LIG1: variants seen among roughly 807,000 people sequenced by gnomAD.
The protein encoded by LIG1 is ligase I, DNA, ATP-dependent.
Under a neutral mutation model 115.7 loss-of-function variants are expected in LIG1, and 70 were observed. That is an observed-to-expected ratio of 0.60 (90% CI 0.50 to 0.74). LIG1 has a LOEUF of 0.74. Among genes scored for constraint, LIG1 ranks in the 30% least tolerant of loss-of-function variants. The probability of loss-of-function intolerance (pLI) is 0.00; values close to 1 mark genes in which losing one functional copy is unlikely to be tolerated. For missense variants in LIG1, 1,115 were observed against 1,225.6 expected, an observed-to-expected ratio of 0.91 and a Z score of 1.35; for synonymous variants, 487 against 495.3, an observed-to-expected ratio of 0.98 and a Z score of 0.22.
chr19:48,140,583 A>C (rs2034677990), intron 11 of LIG1, among the ~76,000 whole-genome samples: 1 of 152,178 alleles, frequency 6.6e-6, no homozygotes. Context: ...TTAGAAATTT[A>C]GGTTTAGGGG....
chr19:48,154,713 G>A (rs2035725489), intron 5 of LIG1: 1 of 153,498 alleles, frequency 6.5e-6, no homozygotes, highest in East Asian at 1.9e-4. Context: ...CATCTTCACT[G>A]TTATATCTCA....
At chr19:48,139,676 C>G (rs568686771) in intron 12 of LIG1, among the ~76,000 whole-genome samples, 6 of 152,302 alleles carry the variant, frequency 3.9e-5, no homozygotes, top group African/African-American at 1.4e-4. Context: ...CCTTCCATCT[C>G]AGCCCCCAAA....
intron 21 of LIG1, among the ~76,000 whole-genome samples, chr19:48,124,636 G>A (rs917874027): frequency 7.2e-5 from 11 of 152,196 alleles, no homozygotes; most frequent in African/African-American, 2.7e-4. Context: ...CACATTGAAA[G>A]GATAATATCT....
intron 11 of LIG1, among the ~76,000 whole-genome samples, chr19:48,141,784 G>A (rs1421873408): frequency 2.0e-5 from 3 of 152,184 alleles, no homozygotes; most frequent in African/African-American, 7.2e-5. Flanking sequence ...GTGCAGAGAA[G>A]AAATACAAAA....
intron 19 of LIG1, among the ~76,000 whole-genome samples, chr19:48,129,528 T>C (rs2033882814): frequency 6.6e-6 from 1 of 152,188 alleles, no homozygotes; most frequent in African/African-American, 2.4e-5. Context: ...GCCTCCAGCA[T>C]GGGGCCTAGC....
chr19:48,124,203 G>A (rs184261611), intron 21 of LIG1, among the ~76,000 whole-genome samples: 81 of 152,304 alleles, frequency 5.3e-4, no homozygotes, highest in Admixed American at 2.4e-3. Flanking sequence ...GGACATTCAC[G>A]TGTTTTCCAT....
chr19:48,143,063 G>C (rs2034877960), intron 11 of LIG1, among the ~76,000 whole-genome samples: 1 of 152,214 alleles, frequency 6.6e-6, no homozygotes, highest in African/African-American at 2.4e-5. Context: ...ATGCTAACAT[G>C]CTGCTGAGAA....
intron 24 of LIG1, chr19:48,120,894 CAAA>C (rs1198224019): frequency 8.1e-7 from 1 of 1,236,290 alleles, no homozygotes; most frequent in Non-Finnish European, 1.0e-6. Context: ...CATTTCATAA[CAAA>C]AAAATTCTTT....
intron 5 of LIG1, among the ~76,000 whole-genome samples, chr19:48,155,642 A>G (rs781201897): frequency 6.6e-6 from 1 of 152,176 alleles, no homozygotes; most frequent in African/African-American, 2.4e-5. Context: ...AAAAAGGGGG[A>G]AAAAACCAGG....
In LIG1 at chr19:48,134,053, G is replaced by A. The variant is rs1252466521; in HGVS notation, c.1537C>T (p.Leu513=). The A allele has an allele frequency of 1.3e-6, 2 of 1,556,598 alleles. No homozygotes were observed. The highest frequency in any genetic ancestry group is 1.7e-6 in the Non-Finnish European group (2 of 1,149,542). Reference sequence around the variant, plus strand: ...AGCAGCACGGGGATAATTCGGTCCAGGTCGGGAACCTCGCTGGGGTGGCGG... The same window carrying A: ...AGCAGCACGGGGATAATTCGGTCCAAGTCGGGAACCTCGCTGGGGTGGCGG... ...LKQTFCEVPD[L]DRIIPVLLEH... Residue 513 remains leucine, a synonymous_variant, in exon 17 of 28, where the codon CTG becomes TTG. Transcript: ENST00000263274.
intron 2 of LIG1, among the ~76,000 whole-genome samples, chr19:48,163,869 T>C (rs1190151173): frequency 2.1e-5 from 3 of 144,522 alleles, no homozygotes; most frequent in Non-Finnish European, 4.5e-5. Context: ...GGCCTGAACC[T>C]GGGAGGCAGA....
At chr19:48,136,202 C>T (rs1360524681) in intron 14 of LIG1, 77 bp from the exon 15 acceptor site, 27 of 1,115,978 alleles carry the variant, frequency 2.4e-5, no homozygotes, top group Middle Eastern at 1.9e-4. Flanking sequence ...CTGATCTCCT[C>T]GACCTTGATG....
chr19:48,134,948 G>T (rs1328214059), intron 16 of LIG1, among the ~76,000 whole-genome samples: 1 of 152,224 alleles, frequency 6.6e-6, no homozygotes, highest in African/African-American at 2.4e-5. Flanking sequence ...TGGGTCAGCT[G>T]CTGGCCTAGG....
At chr19:48,152,152 T>C (rs2035519183) in intron 6 of LIG1, among the ~76,000 whole-genome samples, 1 of 152,080 alleles carries the variant, frequency 6.6e-6, no homozygotes, top group Non-Finnish European at 1.5e-5. Context: ...AGACACAGTC[T>C]CCCTCTGTCG....
chr19:48,142,307 G>T (rs2034813339), intron 11 of LIG1, among the ~76,000 whole-genome samples: 1 of 151,936 alleles, frequency 6.6e-6, no homozygotes, highest in Admixed American at 6.6e-5. Flanking sequence ...GTTGGGCATG[G>T]TGGCAGGTGC....
intron 19 of LIG1, 141 bp from the exon 20 acceptor site, chr19:48,128,161 T>C: frequency 1.4e-6 from 1 of 716,784 alleles, no homozygotes. Context: ...CAGATGCTTT[T>C]CTTTTATTCC....
chr19:48,164,615 G>A (rs1040810665), intron 2 of LIG1, among the ~76,000 whole-genome samples: 4 of 152,348 alleles, frequency 2.6e-5, no homozygotes, highest in Admixed American at 6.5e-5. Flanking sequence ...TAAGAGGGGA[G>A]AGCCCGCCTG....
At chr19:48,119,009 C>T in intron 25 of LIG1, 128 bp downstream of exon 25, 1 of 732,358 alleles carries the variant, frequency 1.4e-6, no homozygotes, top group Non-Finnish European at 2.4e-6. Context: ...AGCTCCACTG[C>T]CTGCTGCCCT....
rs939821272 is a variant in LIG1, at chr19:48,139,877, CCT to C, written c.1087+92_1087+93del. ...CCTTCTCCTCAACCCTGTTTCACAGCCTCTCTCCACCATCTCTCCGATCCACC... is the reference window on the plus strand; with the variant it reads ...CCTTCTCCTCAACCCTGTTTCACAGCCTCTCCACCATCTCTCCGATCCACC... On this transcript the variant is annotated intron_variant, in intron 12 of 27. Transcript: ENST00000263274. The C allele has an allele frequency of 9.2e-6, 13 of 1,418,296 alleles. No homozygotes were observed. The African/African-American group carries it at 1.8e-4, about 20-fold the overall frequency. The allele number at this position is 1,418,296 out of a possible 1,614,324, so 87.9% of individuals were successfully genotyped here. A position where few individuals can be genotyped will look rare whatever the true frequency, so the allele number is the denominator to read the frequency against.
Sources: gnomAD v4.1 joint callset for allele counts (sites outside exome capture counted in the v4.1 genomes callset) on GRCh38, gnomAD v4.1.1 for gene constraint, MANE v1.5 for transcripts, NCBI Gene and HGNC (gene_info 2026-07-23, HGNC 2026-07-21) for gene names.